The following SLCO6A1 variants were observed in gnomAD, a reference collection of about 807,000 sequenced individuals.
SLCO6A1 encodes the protein solute carrier organic anion transporter family member 6A1.
SLCO6A1 carries 65 observed loss-of-function variants against 72.7 expected under a neutral mutation model. The observed-to-expected ratio is 0.89, with a 90% CI of 0.73 to 1.10. The LOEUF (loss-of-function observed/expected upper bound fraction) is 1.10. Ranked by LOEUF, SLCO6A1 falls within the 50% of genes least tolerant of loss-of-function variation. The probability of loss-of-function intolerance (pLI) is 0.00; values close to 1 mark genes in which losing one functional copy is unlikely to be tolerated. For synonymous variants in SLCO6A1, 314 were observed against 298.2 expected, an observed-to-expected ratio of 1.05 and a Z score of -0.55; for missense variants, 874 against 872.6, an observed-to-expected ratio of 1.00 and a Z score of -0.02.
chr5:102,392,702 C>A (rs905650792), intron 10 of SLCO6A1, among the ~76,000 whole-genome samples: 4 of 151,642 alleles, frequency 2.6e-5, no homozygotes, highest in African/African-American at 9.7e-5. Flanking sequence ...AACAAAAAAG[C>A]ATTAACATTT....
intron 10 of SLCO6A1, among the ~76,000 whole-genome samples, chr5:102,398,818 C>A (rs1353047819): frequency 1.3e-5 from 2 of 151,896 alleles, no homozygotes; most frequent in African/African-American, 2.4e-5. Flanking sequence ...AAGGTCTTGT[C>A]CCCCGCCTGC....
At chr5:102,427,656 G>A (rs1018335454) in intron 7 of SLCO6A1, among the ~76,000 whole-genome samples, 1 of 150,878 alleles carries the variant, frequency 6.6e-6, no homozygotes, top group Non-Finnish European at 1.5e-5. Flanking sequence ...TGAGATCCTG[G>A]GACAGAAAAA....
intron 9 of SLCO6A1, among the ~76,000 whole-genome samples, chr5:102,411,082 C>T (rs1747951155): frequency 6.6e-6 from 1 of 152,108 alleles, no homozygotes; most frequent in Non-Finnish European, 1.5e-5. Flanking sequence ...TTGGGTGCCG[C>T]TGTTAAGTAG....
At chr5:102,394,467 A>G (rs144210219) in intron 10 of SLCO6A1, among the ~76,000 whole-genome samples, 2 of 151,940 alleles carry the variant, frequency 1.3e-5, no homozygotes, top group East Asian at 3.9e-4. Flanking sequence ...TATTTCTGTA[A>G]GGTTACCTAT....
chr5:102,490,937 C>T (rs561416358), intron 1 of SLCO6A1, among the ~76,000 whole-genome samples: 113 of 152,196 alleles, frequency 7.4e-4, no homozygotes, highest in Non-Finnish European at 1.2e-3. Context: ...CAGCTGGCTC[C>T]GGTAGCCTGC....
intron 7 of SLCO6A1, among the ~76,000 whole-genome samples, chr5:102,427,840 G>GTGTATATATA (rs1748980248): frequency 8.8e-5 from 9 of 102,750 alleles, no homozygotes; most frequent in Admixed American, 2.1e-4. Flanking sequence ...GTGTGTGTAT[G>GTGTATATATA]TATACATATA....
intron 5 of SLCO6A1, among the ~76,000 whole-genome samples, 169 bp from the exon 6 acceptor site, chr5:102,458,660 A>C (rs2112756687): frequency 6.6e-6 from 1 of 152,292 alleles, no homozygotes; most frequent in African/African-American, 2.4e-5. Context: ...ATCTTCTAAA[A>C]CAGTGTTGTC....
At chr5:102,417,128 C>T (rs902564753) in intron 8 of SLCO6A1, among the ~76,000 whole-genome samples, 4 of 152,050 alleles carry the variant, frequency 2.6e-5, no homozygotes, top group African/African-American at 7.2e-5. Context: ...ATATTCTTTG[C>T]TCTCAAAAAT....
intron 2 of SLCO6A1, among the ~76,000 whole-genome samples, chr5:102,479,692 A>C (rs550952703): frequency 7.5e-4 from 114 of 152,162 alleles, no homozygotes; most frequent in Non-Finnish European, 1.2e-3. Context: ...CCATGGTAAA[A>C]CTGCAACCCT....
intron 6 of SLCO6A1, among the ~76,000 whole-genome samples, chr5:102,450,593 G>A (rs374193505): frequency 1.3e-5 from 2 of 152,192 alleles, no homozygotes; most frequent in Admixed American, 6.5e-5. Context: ...TGGCATTTCC[G>A]GGCTGCGCAT....
At chr5:102,454,829 A>G (rs1334255729) in intron 6 of SLCO6A1, among the ~76,000 whole-genome samples, 1 of 151,536 alleles carries the variant, frequency 6.6e-6, no homozygotes, top group African/African-American at 2.4e-5. Flanking sequence ...TGTACATGTA[A>G]TATTTTGATA....
chr5:102,449,489 C>T (rs13354147), intron 6 of SLCO6A1, among the ~76,000 whole-genome samples: 4,419 of 151,940 alleles, frequency 0.029, 87 homozygotes, highest in Middle Eastern at 0.082. Flanking sequence ...CAGGTTCATG[C>T]CATTCTCCTG....
In SLCO6A1 at chr5:102,433,767, G is replaced by A. The variant is rs1005655618; in HGVS notation, c.1276+4850C>T. On this transcript the variant is annotated intron_variant, in intron 7 of 13. Coordinates refer to ENST00000506729, the MANE Select transcript of SLCO6A1 (RefSeq NM_173488.5). ...CCAGCAACAGCAGCAGCGGCAGCAT[G>A]GCAGAGTGCATGCTTTTTGGCTGTG... is the stretch of plus-strand genomic sequence containing the variant. Among the ~76,000 whole-genome samples the A allele has an allele frequency of 2.0e-5, 3 of 152,130 alleles. No homozygotes were observed. The South Asian group carries it at 6.2e-4, about 32-fold the overall frequency.
At chr5:102,417,380 T>C (rs1159028694) in intron 8 of SLCO6A1, among the ~76,000 whole-genome samples, 2 of 152,076 alleles carry the variant, frequency 1.3e-5, no homozygotes, top group African/African-American at 4.8e-5. Flanking sequence ...TACCCTCTTC[T>C]TGCTTCCCAT....
chr5:102,474,920 AAAAAC>A (rs1299922969), intron 4 of SLCO6A1, among the ~76,000 whole-genome samples: 3 of 152,066 alleles, frequency 2.0e-5, no homozygotes, highest in Non-Finnish European at 4.4e-5. Flanking sequence ...AACAAACAGA[AAAAAC>A]AAACAAAACA....
At chr5:102,487,442 T>G (rs958101160) in intron 1 of SLCO6A1, among the ~76,000 whole-genome samples, 1 of 152,220 alleles carries the variant, frequency 6.6e-6, no homozygotes, top group Non-Finnish European at 1.5e-5. Flanking sequence ...TTATATGCAC[T>G]ATATGATAAA....
intron 13 of SLCO6A1, among the ~76,000 whole-genome samples, chr5:102,372,570 C>T (rs1022631094): frequency 6.6e-6 from 1 of 151,484 alleles, no homozygotes; most frequent in Non-Finnish European, 1.5e-5. Flanking sequence ...TTAAATATTT[C>T]TTCACATTAA....
intron 13 of SLCO6A1, among the ~76,000 whole-genome samples, chr5:102,373,008 G>T (rs530446889): frequency 1.3e-3 from 190 of 151,808 alleles, no homozygotes; most frequent in African/African-American, 4.2e-3. Flanking sequence ...CTAAGAATAA[G>T]CTAAAAAGGG....
intron 6 of SLCO6A1, among the ~76,000 whole-genome samples, chr5:102,457,586 A>C (rs78033148): frequency 0.64 from 96,778 of 151,952 alleles, 30,999 homozygotes; most frequent in African/African-American, 0.66. Context: ...GGCGATCATT[A>C]AAAAGTCAGG....
Sources: allele counts gnomAD v4.1 joint callset (sites outside exome capture counted in the v4.1 genomes callset), GRCh38; gene constraint gnomAD v4.1.1; transcripts MANE v1.5; gene names NCBI Gene and HGNC (gene_info 2026-07-23, HGNC 2026-07-21).